Variants in RASGRF2 observed in about 807,000 individuals in gnomAD.
The protein encoded by RASGRF2 is Ras protein specific guanine nucleotide releasing factor 2, also known as ras-specific guanine nucleotide-releasing factor 2.
Under a neutral mutation model 151.0 loss-of-function variants are expected in RASGRF2, and 76 were observed. That is an observed-to-expected ratio of 0.50 (90% CI 0.42 to 0.61). The LOEUF (loss-of-function observed/expected upper bound fraction) is 0.61. Among genes scored for constraint, RASGRF2 ranks in the 20% least tolerant of loss-of-function variants. The probability of loss-of-function intolerance (pLI) is 0.00; values close to 1 mark genes in which losing one functional copy is unlikely to be tolerated. For missense variants in RASGRF2, 1,148 were observed against 1,564.6 expected, an observed-to-expected ratio of 0.73 and a Z score of 4.49; for synonymous variants, 504 against 566.5, an observed-to-expected ratio of 0.89 and a Z score of 1.57.
At chr5:81,146,478 G>A (rs1754009356) in intron 17 of RASGRF2, among the ~76,000 whole-genome samples, 1 of 142,212 alleles carries the variant, frequency 7.0e-6, no homozygotes, top group Admixed American at 7.0e-5. Context: ...GTATTTAGAA[G>A]TATAAGACAA....
At chr5:81,079,110 T>G (rs1028836219) in intron 5 of RASGRF2, among the ~76,000 whole-genome samples, 2 of 152,184 alleles carry the variant, frequency 1.3e-5, no homozygotes, top group Non-Finnish European at 2.9e-5. Flanking sequence ...CATCTATTAG[T>G]GGAACTGAAT....
At chr5:81,139,564 C>T (rs77167805) in intron 17 of RASGRF2, among the ~76,000 whole-genome samples, 3 of 151,834 alleles carry the variant, frequency 2.0e-5, no homozygotes, top group South Asian at 2.1e-4. Context: ...CAGGGTTTCA[C>T]CATATTGGCC....
At position 80,961,035 on chromosome 5, in the gene RASGRF2, C is replaced by T; in HGVS notation, c.288+9C>T. ...ACGCGCTGGACAAGCAGGTACCGCG[C>T]GCCTTCTCTCCGCGGTCTCCCAGCC... On this transcript the variant is annotated intron_variant, in intron 1 of 26. Coordinates refer to ENST00000265080, the MANE Select transcript of RASGRF2 (RefSeq NM_006909.3). The T allele has an allele frequency of 1.4e-6, 2 of 1,449,326 alleles. No individual in the cohort carries two copies. Among genetic ancestry groups the T allele is most frequent in the Non-Finnish European group, 9.1e-7 (1 of 1,095,630 alleles). The allele number at this position is 1,449,326 out of a possible 1,614,324, so 89.8% of individuals were successfully genotyped here. A position where few individuals can be genotyped will look rare whatever the true frequency, so the allele number is the denominator to read the frequency against.
intron 1 of RASGRF2, among the ~76,000 whole-genome samples, chr5:80,976,546 G>A (rs899062733): frequency 1.3e-5 from 2 of 152,142 alleles, no homozygotes; most frequent in African/African-American, 4.8e-5. Flanking sequence ...ATCTCTATGT[G>A]CTGGGTTCTG....
At chr5:80,962,069 G>T (rs1486854641) in intron 1 of RASGRF2, among the ~76,000 whole-genome samples, 1 of 152,190 alleles carries the variant, frequency 6.6e-6, no homozygotes, top group Non-Finnish European at 1.5e-5. Flanking sequence ...GGAGGTGCTA[G>T]CAATGGAGTG....
At position 81,113,586 on chromosome 5, in the gene RASGRF2, T is replaced by C. The variant is rs768414567; in HGVS notation, c.2136T>C (p.His712=). Residue 712 remains histidine, a synonymous_variant, in exon 15 of 27, where the codon CAT becomes CAC. Coordinates refer to ENST00000265080, the MANE Select transcript of RASGRF2 (RefSeq NM_006909.3). ...CCAGCCAGAACAACAGAGGTGAACA[T>C]TTGGTGGATGGCAAATCCCCACGTC... is the stretch of plus-strand genomic sequence containing the variant. The part of the protein sequence containing the change: ...FATSQNNRGE[H]LVDGKSPRLC... 4.7e-5 allele frequency: 76 copies of C among 1,609,610 alleles called. No homozygotes were observed. The highest frequency in any genetic ancestry group is 6.5e-5 in the Non-Finnish European group (76 of 1,175,992).
At chr5:81,214,306 T>C (rs184938789) in intron 23 of RASGRF2, among the ~76,000 whole-genome samples, 30 of 152,340 alleles carry the variant, frequency 2.0e-4, no homozygotes, top group African/African-American at 6.0e-4. Flanking sequence ...GGCCTTAGCA[T>C]GGGCTAGTGG....
chr5:81,143,030 G>A (rs746377036), intron 17 of RASGRF2, among the ~76,000 whole-genome samples: 1 of 152,158 alleles, frequency 6.6e-6, no homozygotes, highest in African/African-American at 2.4e-5. Flanking sequence ...AAATATATTC[G>A]TAGTATCCCT....
intron 1 of RASGRF2, among the ~76,000 whole-genome samples, chr5:81,020,404 A>G (rs111809751): frequency 0.021 from 3,220 of 152,312 alleles, 52 homozygotes; most frequent in Middle Eastern, 0.065. Flanking sequence ...GACTACCTGC[A>G]TGTGACTGTG....
chr5:81,170,949 G>A (rs773407225), intron 17 of RASGRF2, among the ~76,000 whole-genome samples: 34 of 152,074 alleles, frequency 2.2e-4, no homozygotes, highest in Admixed American at 3.9e-4. Context: ...CCTGGTTTCC[G>A]CCCTTCCTCC....
chr5:81,220,240 TG>T (rs1755830251), intron 26 of RASGRF2, among the ~76,000 whole-genome samples: 1 of 152,218 alleles, frequency 6.6e-6, no homozygotes, highest in Non-Finnish European at 1.5e-5. Context: ...TCGCATTATA[TG>T]GCCCCTACTT....
intron 1 of RASGRF2, among the ~76,000 whole-genome samples, chr5:81,027,886 G>T (rs923876347): frequency 6.6e-6 from 1 of 152,188 alleles, no homozygotes; most frequent in Non-Finnish European, 1.5e-5. Flanking sequence ...ACTTGAACTG[G>T]GAACTATGTT....
rs529362236 is a variant in RASGRF2 at position 81,127,699 on chromosome 5, G to A, written c.2686+536G>A. 9.9e-5 allele frequency among the ~76,000 whole-genome samples: 15 copies of A among 151,614 alleles called. 1 individual carries two copies. In the South Asian group the frequency reaches 1.5e-3, roughly 15 times the overall value. On this transcript the variant is annotated intron_variant, in intron 17 of 26. Coordinates refer to ENST00000265080, the MANE Select transcript of RASGRF2 (RefSeq NM_006909.3). ...AGCACTTTGGGAGGCCGAGGCAAGC[G>A]GATCACCTGAGGTCAGGCATTCAAG...
intron 18 of RASGRF2, among the ~76,000 whole-genome samples, chr5:81,195,829 C>T (rs945135987): frequency 3.3e-5 from 5 of 152,110 alleles, no homozygotes; most frequent in Non-Finnish European, 7.4e-5. Flanking sequence ...TTGTCCCAGC[C>T]CCTCCATTTC....
chr5:81,002,898 GA>G (rs149255037), intron 1 of RASGRF2, among the ~76,000 whole-genome samples: 2,219 of 152,204 alleles, frequency 0.015, 45 homozygotes, highest in African/African-American at 0.051. Flanking sequence ...TGCTTATGGG[GA>G]AAAAATGCCT....
At chr5:81,145,517 C>A (rs895916703) in intron 17 of RASGRF2, among the ~76,000 whole-genome samples, 4 of 152,172 alleles carry the variant, frequency 2.6e-5, no homozygotes, top group African/African-American at 9.7e-5. Flanking sequence ...ACAAATAAAG[C>A]GGAAGTGATC....
intron 17 of RASGRF2, among the ~76,000 whole-genome samples, 185 bp from the exon 18 acceptor site, chr5:81,179,990 G>A (rs1754874988): frequency 6.6e-6 from 1 of 152,086 alleles, no homozygotes; most frequent in Non-Finnish European, 1.5e-5. Context: ...AACCGCACGA[G>A]GGCCTTGCTG....
In RASGRF2 at chr5:81,042,899, G is replaced by T; in HGVS notation, c.311G>T (p.Gly104Val). 1 of 1,611,618 alleles carries T rather than the reference G, an allele frequency of 6.2e-7. No homozygotes were observed. The highest frequency in any genetic ancestry group is 8.5e-7 in the Non-Finnish European group (1 of 1,179,228). ...CAGTATTACTTTACTGTTCTTTTTG[G>T]CCATGAAGGTCAGAAGCCACTGGAG... ...DKQYYFTVLFGHEGQKPLELR... is the reference protein window; with the variant it reads ...DKQYYFTVLFVHEGQKPLELR... The change falls in exon 2 of 27, where the codon GGC becomes GTC. Residue 104 changes from glycine (G) to valine (V), a missense_variant. By Grantham distance (109) the Gly-to-Val change is moderately radical. Around this residue, in one of 5 missense-constraint regions of RASGRF2, gnomAD observed 221 missense variants for 271.3 expected, o/e 0.81. Transcript: ENST00000265080.
chr5:81,126,931 C>A, intron 16 of RASGRF2, 143 bp from the exon 17 acceptor site: 1 of 798,708 alleles, frequency 1.3e-6, no homozygotes, highest in Non-Finnish European at 2.0e-6. Context: ...GATGTGCAAT[C>A]TTGTTGTTTG....
Sources: gnomAD v4.1 joint callset for allele counts (sites outside exome capture counted in the v4.1 genomes callset) on GRCh38, gnomAD v4.1.1 for gene constraint, gnomAD v4.1.1 regional missense constraint, MANE v1.5 for transcripts, NCBI Gene and HGNC (gene_info 2026-07-23, HGNC 2026-07-21) for gene names.